Variants in GRIA4 observed in about 807,000 individuals in gnomAD.
The protein encoded by GRIA4 is glutamate ionotropic receptor AMPA type subunit 4.
In GRIA4, 34 loss-of-function variants were observed where a neutral mutation model predicts 104.0. That is an observed-to-expected ratio of 0.33 (90% CI 0.25 to 0.44). The LOEUF (loss-of-function observed/expected upper bound fraction) is 0.44. GRIA4 is among the 20% of genes least tolerant of loss of function. The pLI is 1.00. For missense variants in GRIA4, 750 were observed against 1,096.5 expected, an observed-to-expected ratio of 0.68 and a Z score of 4.46; for synonymous variants, 386 against 381.9, an observed-to-expected ratio of 1.01 and a Z score of -0.13.
intron 3 of GRIA4, among the ~76,000 whole-genome samples, chr11:105,623,366 A>G (rs1260612655): frequency 1.3e-5 from 2 of 151,806 alleles, no homozygotes; most frequent in Non-Finnish European, 2.9e-5. Flanking sequence ...ACCTTTCTCC[A>G]TCTACTTAAC....
At chr11:105,680,120 T>C (rs1952662452) in intron 3 of GRIA4, among the ~76,000 whole-genome samples, 1 of 152,174 alleles carries the variant, frequency 6.6e-6, no homozygotes, top group Non-Finnish European at 1.5e-5. Flanking sequence ...GCCTAAGTGG[T>C]TAACATCTAG....
intron 5 of GRIA4, among the ~76,000 whole-genome samples, chr11:105,863,690 C>T (rs966590711): frequency 6.6e-6 from 1 of 152,148 alleles, no homozygotes; most frequent in African/African-American, 2.4e-5. Context: ...AAATAACTCA[C>T]GATGAATCCC....
chr11:105,655,933 A>G (rs1951830583), intron 3 of GRIA4, among the ~76,000 whole-genome samples: 1 of 152,086 alleles, frequency 6.6e-6, no homozygotes, highest in African/African-American at 2.4e-5. Context: ...GGTTGAACTA[A>G]TTTACACTCC....
chr11:105,776,027 T>C (rs940406245), intron 4 of GRIA4, among the ~76,000 whole-genome samples: 4 of 152,094 alleles, frequency 2.6e-5, no homozygotes, highest in African/African-American at 7.2e-5. Context: ...AAGTAGATGC[T>C]ATTTATTGAA....
intron 3 of GRIA4, among the ~76,000 whole-genome samples, chr11:105,724,899 G>T (rs371106944): frequency 5.4e-4 from 82 of 152,214 alleles, no homozygotes; most frequent in African/African-American, 1.9e-3. Context: ...AACATTGTTT[G>T]ATTACATTGT....
intron 3 of GRIA4, among the ~76,000 whole-genome samples, chr11:105,736,297 C>T (rs924054035): frequency 2.6e-5 from 4 of 152,054 alleles, no homozygotes; most frequent in Non-Finnish European, 5.9e-5. Context: ...GGATGCTGTA[C>T]TTTGCAGTCT....
At chr11:105,723,471 G>A (rs1175609925) in intron 3 of GRIA4, among the ~76,000 whole-genome samples, 1 of 151,936 alleles carries the variant, frequency 6.6e-6, no homozygotes, top group East Asian at 1.9e-4. Flanking sequence ...AGCATTTATG[G>A]CAATTCAATG....
intron 5 of GRIA4, among the ~76,000 whole-genome samples, chr11:105,886,674 T>C (rs999413451): frequency 6.6e-6 from 1 of 152,170 alleles, no homozygotes; most frequent in African/African-American, 2.4e-5. Context: ...TGAACGTACC[T>C]GAAAATTGTG....
At chr11:105,733,605 T>C (rs1938738674) in intron 3 of GRIA4, among the ~76,000 whole-genome samples, 1 of 151,918 alleles carries the variant, frequency 6.6e-6, no homozygotes, top group African/African-American at 2.4e-5. Context: ...TACAGGCGCC[T>C]GCCACCACGA....
intron 3 of GRIA4, among the ~76,000 whole-genome samples, chr11:105,695,177 T>C (rs1030348122): frequency 2.0e-5 from 3 of 152,222 alleles, no homozygotes; most frequent in Admixed American, 6.5e-5. Flanking sequence ...AAATTAAATA[T>C]GTATTCTCAA....
intron 3 of GRIA4, among the ~76,000 whole-genome samples, chr11:105,717,265 C>G (rs960340584): frequency 1.1e-4 from 16 of 152,008 alleles, no homozygotes; most frequent in African/African-American, 3.9e-4. Flanking sequence ...AAGCTCCATA[C>G]CAGCTAATTT....
intron 4 of GRIA4, among the ~76,000 whole-genome samples, chr11:105,766,034 A>G (rs58664102): frequency 0.19 from 28,528 of 152,074 alleles, 3,375 homozygotes; most frequent in African/African-American, 0.33. Context: ...CAGGATTTAC[A>G]CAAGGGGGTG....
chr11:105,772,697 T>G (rs1186254736), intron 4 of GRIA4, among the ~76,000 whole-genome samples: 2 of 152,016 alleles, frequency 1.3e-5, no homozygotes, highest in Non-Finnish European at 2.9e-5. Flanking sequence ...CACACATATT[T>G]GCATATACTT....
chr11:105,643,055 G>C (rs978221075), intron 3 of GRIA4, among the ~76,000 whole-genome samples: 10 of 152,108 alleles, frequency 6.6e-5, no homozygotes, highest in African/African-American at 2.4e-4. Flanking sequence ...AAGATCTCAT[G>C]AGAACTTACT....
chr11:105,903,748 C>G (rs2136144078), intron 7 of GRIA4, 66 bp from the exon 8 acceptor site: 1 of 1,111,696 alleles, frequency 9.0e-7, no homozygotes, highest in East Asian at 2.4e-5. Context: ...TACAAAGACC[C>G]CAGACCATTT....
At chr11:105,920,247 T>TTA (rs1157843036) in intron 11 of GRIA4, among the ~76,000 whole-genome samples, 1 of 152,166 alleles carries the variant, frequency 6.6e-6, no homozygotes, top group Non-Finnish European at 1.5e-5. Context: ...CAAAATGTAT[T>TTA]TTACCACAGA....
At chr11:105,799,474 T>C (rs1942624173) in intron 4 of GRIA4, among the ~76,000 whole-genome samples, 1 of 151,926 alleles carries the variant, frequency 6.6e-6, no homozygotes, top group African/African-American at 2.4e-5. Context: ...GATGCAATAA[T>C]CAACAAAGAA....
intron 4 of GRIA4, among the ~76,000 whole-genome samples, chr11:105,835,165 T>C (rs1944129838): frequency 6.6e-6 from 1 of 151,928 alleles, no homozygotes; most frequent in Non-Finnish European, 1.5e-5. Context: ...TTAAATTTTA[T>C]ACTTAATTAT....
At chr11:105,800,113 G>C (rs1479514385) in intron 4 of GRIA4, among the ~76,000 whole-genome samples, 1 of 152,126 alleles carries the variant, frequency 6.6e-6, no homozygotes, top group Non-Finnish European at 1.5e-5. Context: ...AGGTCCAATA[G>C]ATTAATGGTT....
Sources: gnomAD v4.1 joint callset for allele counts (sites outside exome capture counted in the v4.1 genomes callset) on GRCh38, gnomAD v4.1.1 for gene constraint, MANE v1.5 for transcripts, NCBI Gene and HGNC (gene_info 2026-07-23, HGNC 2026-07-21) for gene names.